CTU2: variants seen among roughly 807,000 people sequenced by gnomAD.
CTU2 encodes cytoplasmic tRNA 2-thiolation protein 2.
CTU2 carries 80 observed loss-of-function variants against 64.1 expected under a neutral mutation model. That is an observed-to-expected ratio of 1.25 (90% CI 1.04 to 1.50). The LOEUF is 1.50. Ranked by LOEUF, CTU2 falls within the 40% of genes most tolerant of loss-of-function variation. The probability of loss-of-function intolerance (pLI) is 0.00; values close to 1 mark genes in which losing one functional copy is unlikely to be tolerated. For synonymous variants in CTU2, 482 were observed against 285.3 expected (o/e 1.69, Z -6.95); for missense variants, 1,110 against 690.2 (o/e 1.61, Z -6.81).
rs1360731926 is a variant in CTU2, at chr16:88,710,298, C to T, written c.282+16C>T. The stretch of plus-strand genomic sequence containing the variant: ...GGTTCTTGAGGTGCGTGTTCACCAC[C>T]CCGTGGGCCCGGGCTGCTGGGCTGA... On this transcript the variant is annotated intron_variant, in intron 4 of 14. Coordinates refer to ENST00000453996, the MANE Select transcript of CTU2 (RefSeq NM_001012759.3). 5.0e-6 allele frequency: 8 copies of T among 1,613,634 alleles called. No homozygotes were observed. Among genetic ancestry groups the T allele is most frequent in the East Asian group, 2.2e-5 (1 of 44,900 alleles).
intron 4 of CTU2, among the ~76,000 whole-genome samples, chr16:88,711,409 A>T (rs1386420232): frequency 6.6e-6 from 1 of 152,118 alleles, no homozygotes; most frequent in Non-Finnish European, 1.5e-5. Flanking sequence ...TACCAGGGGG[A>T]TGAAGACCCC....
At chr16:88,707,341 C>G (rs1045462287) in intron 2 of CTU2, 131 bp downstream of exon 2, 24 of 843,440 alleles carry the variant, frequency 2.8e-5, no homozygotes, top group Non-Finnish European at 4.6e-5. Flanking sequence ...CTGATGGGGT[C>G]CCTCGTGCCC....
chr16:88,712,205 A>G, intron 5 of CTU2, 69 bp from the exon 6 acceptor site: 1 of 1,327,538 alleles, frequency 7.5e-7, no homozygotes, highest in Non-Finnish European at 1.1e-6. Flanking sequence ...TCCCAGGTGG[A>G]GGTGGCCCTG....
At chr16:88,707,570 G>A (rs1261050032) in intron 2 of CTU2, among the ~76,000 whole-genome samples, 5 of 152,168 alleles carry the variant, frequency 3.3e-5, no homozygotes, top group Non-Finnish European at 7.3e-5. Context: ...GAACTTGGCA[G>A]ATGGTCTGGG....
intron 8 of CTU2, 30 bp from the exon 9 acceptor site, chr16:88,713,617 C>G (rs758435087): frequency 2.5e-6 from 4 of 1,605,662 alleles, no homozygotes; most frequent in Admixed American, 3.4e-5. Flanking sequence ...CGGGCCTTGA[C>G]CTGGACCACA....
chr16:88,712,158 G>T, intron 5 of CTU2, 116 bp from the exon 6 acceptor site: 2 of 897,048 alleles, frequency 2.2e-6, no homozygotes, highest in Non-Finnish European at 1.8e-6. Context: ...GCTCCGCCAG[G>T]AAGCACCGCC....
rs1276320658 is a variant in CTU2, at chr16:88,715,278, C to A, written c.*27C>A. ...CGTGAGGACGTGCTTGCCGGGACAGCAGGCAGTGGCCACCTGGTACACCAC... is the reference window on the plus strand; with the variant it reads ...CGTGAGGACGTGCTTGCCGGGACAGAAGGCAGTGGCCACCTGGTACACCAC... On this transcript the variant is annotated 3_prime_UTR_variant, in exon 15 of 15. Coordinates refer to ENST00000453996, the MANE Select transcript of CTU2 (RefSeq NM_001012759.3). 6.2e-7 allele frequency: 1 copy of A among 1,605,576 alleles called. No individual in the cohort carries two copies. Among genetic ancestry groups the A allele is most frequent in the African/African-American group, 1.3e-5 (1 of 74,982 alleles).
At position 88,714,460 on chromosome 16, in the gene CTU2, T is replaced by C. The variant is rs1181189435; in HGVS notation, c.1175T>C (p.Met392Thr). The change falls in exon 11 of 15, where the codon ATG becomes ACG. Residue 392 changes from methionine to threonine, a missense_variant. Met to Thr is a moderately conservative substitution (Grantham distance 81, BLOSUM62 -1). Coordinates refer to ENST00000453996, the MANE Select transcript of CTU2 (RefSeq NM_001012759.3). ...GDSGPRCLLC[M>T]CALDVDAADS... ...TCCGGCCCCCGCTGCCTCCTCTGCA[T>C]GTGTGCCCTGGACGTCGACGCCGCT... The C allele has an allele frequency of 6.2e-7, 1 of 1,612,558 alleles. No homozygotes were observed. Among genetic ancestry groups the C allele is most frequent in the Non-Finnish European group, 8.5e-7 (1 of 1,179,852 alleles).
At chr16:88,708,597 A>G (rs550832483) in intron 2 of CTU2, among the ~76,000 whole-genome samples, 2 of 152,260 alleles carry the variant, frequency 1.3e-5, no homozygotes, top group South Asian at 2.1e-4. Flanking sequence ...AGTTACCTGC[A>G]GTCCCTCACC....
chr16:88,714,638 A>C lies in CTU2; in HGVS notation c.1253A>C (p.Gln418Pro). ...ACCTCCTCGCGTCTCTCCCAGATGCAGTCACCCATCCCCCTGACTGAGACC... is the reference window on the plus strand; with the variant it reads ...ACCTCCTCGCGTCTCTCCCAGATGCCGTCACCCATCCCCCTGACTGAGACC... Reference protein sequence around the residue: ...AQTSSRLSQMQSPIPLTETRT... With the variant: ...AQTSSRLSQMPSPIPLTETRT... Residue 418 changes from glutamine to proline, a missense_variant, in exon 12 of 15, where the codon CAG (glutamine) becomes CCG (proline). Gln to Pro is a moderately conservative substitution (Grantham distance 76). Transcript: ENST00000453996. 1 of 1,612,548 alleles carries C rather than the reference A, an allele frequency of 6.2e-7. No homozygotes were observed. The highest frequency in any genetic ancestry group is 8.5e-7 in the Non-Finnish European group (1 of 1,179,848).
chr16:88,707,573 G>A (rs1910976577), intron 2 of CTU2, among the ~76,000 whole-genome samples: 1 of 152,108 alleles, frequency 6.6e-6, no homozygotes, highest in South Asian at 2.1e-4. Context: ...CTTGGCAGAT[G>A]GTCTGGGTGA....
rs760402352 is a variant in CTU2, at chr16:88,710,032, TG to T, written c.222+21del. 6.2e-7 allele frequency: 1 copy of T among 1,613,290 alleles called. No individual in the cohort carries two copies. Among genetic ancestry groups the T allele is most frequent in the South Asian group, 1.1e-5 (1 of 91,080 alleles). On this transcript the variant is annotated intron_variant, in intron 3 of 14. Transcript: ENST00000453996. ...AGGCGAGAAGGTAGCGTCTGGGTCC[TG>T]GGGGTCTGACTGAGCAGCCTGGCCC...
chr16:88,711,187 A>G (rs1182979804), intron 4 of CTU2, among the ~76,000 whole-genome samples: 1 of 152,122 alleles, frequency 6.6e-6, no homozygotes, highest in African/African-American at 2.4e-5. Context: ...TTGTGAGGGA[A>G]CTGGCCCAGC....
At chr16:88,712,100 CCG>C in intron 5 of CTU2, 172 bp from the exon 6 acceptor site, 2 of 718,088 alleles carry the variant, frequency 2.8e-6, no homozygotes, top group Middle Eastern at 2.3e-4. Flanking sequence ...CTGAGGTCAG[CCG>C]CAAGAGAGAA....
In CTU2 at chr16:88,714,780, G is replaced by A. The variant is rs369891593; in HGVS notation, c.1352+43G>A. ...CCACCCATGGCCAGCTGCATGGGGCGGGAGGGGGACCTGTCCTTACCCCAC... is the reference window on the plus strand; with the variant it reads ...CCACCCATGGCCAGCTGCATGGGGCAGGAGGGGGACCTGTCCTTACCCCAC... On this transcript the variant is annotated intron_variant, in intron 12 of 14. Coordinates refer to ENST00000453996, the MANE Select transcript of CTU2 (RefSeq NM_001012759.3). 9.6e-5 allele frequency: 154 copies of A among 1,607,056 alleles called. 1 individual carries two copies. Among genetic ancestry groups the A allele is most frequent in the South Asian group, 6.6e-4 (60 of 90,788 alleles).
chr16:88,710,271 C>T lies in CTU2; in HGVS notation c.271C>T (p.Gln91Ter), dbSNP rs1365909346. ...GGPSSSSMVW[Q>*]VLEGLSQDSA... ...GCCTTCGTCCAGCTCCATGGTCTGG[C>T]AGGTTCTTGAGGTGCGTGTTCACCA... Residue 91 changes from glutamine to a stop codon, truncating the protein, a stop_gained, in exon 4 of 15, where the codon CAG becomes TAG. Coordinates refer to ENST00000453996, the MANE Select transcript of CTU2 (RefSeq NM_001012759.3). LOFTEE classifies it high-confidence loss of function. 6.2e-7 allele frequency: 1 copy of T among 1,614,032 alleles called. No homozygotes were observed. The highest frequency in any genetic ancestry group is 1.3e-5 in the African/African-American group (1 of 75,052).
At chr16:88,711,536 T>G in intron 4 of CTU2, 99 bp from the exon 5 acceptor site, 1 of 1,235,004 alleles carries the variant, frequency 8.1e-7, no homozygotes, top group Non-Finnish European at 1.1e-6. Flanking sequence ...CACTTCACCT[T>G]CCAAGATGGC....
In CTU2 at chr16:88,714,248, G is replaced by T. The variant is rs767878077; in HGVS notation, c.1097+21G>T. On this transcript the variant is annotated intron_variant, in intron 10 of 14. Coordinates refer to ENST00000453996, the MANE Select transcript of CTU2 (RefSeq NM_001012759.3). ...TACAGGTGTGGGTGTGTGTGGGTGT[G>T]TGCGGGGGGTGCGCGGGTGTGTGCT... 1.5e-5 allele frequency: 24 copies of T among 1,602,228 alleles called. No individual in the cohort carries two copies. In the South Asian group the frequency reaches 1.7e-4, roughly 11 times the overall value.
In CTU2 at chr16:88,712,841, C is replaced by G. The variant is rs775843619; in HGVS notation, c.673C>G (p.Leu225Val). 1 of 1,586,920 alleles carries G rather than the reference C, an allele frequency of 6.3e-7. No homozygotes were observed. Residue 225 changes from leucine (L) to valine (V), a missense_variant, in exon 7 of 15, where the codon CTT becomes GTT. Physicochemically the swap from Leu to Val is conservative, Grantham distance 32 (BLOSUM62 1). Coordinates refer to ENST00000453996, the MANE Select transcript of CTU2 (RefSeq NM_001012759.3). Reference protein sequence around the residue: ...RPPAPAQTEALSQLFCSVRTL... With the variant: ...RPPAPAQTEAVSQLFCSVRTL... The stretch of plus-strand genomic sequence containing the variant: ...GCCTGCCCCTGCCCAGACTGAGGCT[C>G]TTTCCCAACTGTTCTGCTCAGTGAG...
Sources: allele counts gnomAD v4.1 joint callset (sites outside exome capture counted in the v4.1 genomes callset), GRCh38; gene constraint gnomAD v4.1.1; transcripts MANE v1.5; gene names NCBI Gene and HGNC (gene_info 2026-07-23, HGNC 2026-07-21).